MCM9: variants seen among roughly 807,000 people sequenced by gnomAD.
The protein encoded by MCM9 is DNA helicase MCM9.
Under a neutral mutation model 72.8 loss-of-function variants are expected in MCM9, and 55 were observed. That is an observed-to-expected ratio of 0.76 (90% CI 0.61 to 0.95). The LOEUF is 0.95. Among genes scored for constraint, MCM9 ranks in the 40% least tolerant of loss-of-function variants. The pLI, the probability that MCM9 is intolerant of heterozygous loss-of-function variation, is 0.00. For missense variants in MCM9, 1,279 were observed against 1,377.0 expected (o/e 0.93, Z 1.13); for synonymous variants, 480 against 503.4 (o/e 0.95, Z 0.62).
chr6:118,830,909 G>A (rs937841251), intron 9 of MCM9, among the ~76,000 whole-genome samples: 4 of 152,196 alleles, frequency 2.6e-5, no homozygotes, highest in Non-Finnish European at 4.4e-5. Context: ...CTGCCAGATC[G>A]TAAGTGTGCA....
intron 8 of MCM9, among the ~76,000 whole-genome samples, chr6:118,881,067 G>A (rs1778257174): frequency 6.6e-6 from 1 of 152,078 alleles, no homozygotes; most frequent in Admixed American, 6.5e-5. Flanking sequence ...TGTGAACGTG[G>A]TCTTTCTCAA....
At chr6:118,879,984 G>A (rs922897809) in intron 8 of MCM9, among the ~76,000 whole-genome samples, 1 of 151,484 alleles carries the variant, frequency 6.6e-6, no homozygotes, top group African/African-American at 2.4e-5. Flanking sequence ...GTGGAGCCGA[G>A]CTCATGCACT....
chr6:118,831,788 T>C (rs1231370981), intron 9 of MCM9, among the ~76,000 whole-genome samples: 1 of 152,184 alleles, frequency 6.6e-6, no homozygotes, highest in African/African-American at 2.4e-5. Context: ...CCTTCAACAA[T>C]ATTAATAAAA....
chr6:118,913,196 G>A, intron 7 of MCM9, 99 bp downstream of exon 7: 1 of 1,373,476 alleles, frequency 7.3e-7, no homozygotes, highest in South Asian at 1.3e-5. Flanking sequence ...ATTACAATTG[G>A]AAAATAAAAC....
intron 8 of MCM9, among the ~76,000 whole-genome samples, chr6:118,861,537 A>G (rs572909628): frequency 3.3e-4 from 51 of 152,272 alleles, no homozygotes; most frequent in African/African-American, 1.2e-3. Context: ...GAGTTACAGA[A>G]CAGCTCTCAG....
intron 8 of MCM9, among the ~76,000 whole-genome samples, chr6:118,885,395 T>C (rs1297265956): frequency 6.6e-6 from 1 of 151,344 alleles, no homozygotes; most frequent in Non-Finnish European, 1.5e-5. Context: ...ATAGAGAAAA[T>C]TAATGAAACT....
intron 9 of MCM9, among the ~76,000 whole-genome samples, chr6:118,853,853 T>G (rs1416594616): frequency 2.0e-5 from 3 of 152,286 alleles, no homozygotes; most frequent in East Asian, 3.9e-4. Flanking sequence ...TGGGGAGAAC[T>G]TGCATCTTAA....
Position 118,818,226 on chromosome 6 carries a change from T to A in MCM9, c.1962-1932A>T, listed in dbSNP as rs956445701. ...CCCATGCCTATGTCCTGAATGGTAC[T>A]GCCTAGGTTTTCTTCTAGGGTTTTT... On this transcript the variant is annotated intron_variant, in intron 13 of 13. Coordinates refer to ENST00000619706, the MANE Select transcript of MCM9 (RefSeq NM_017696.3). Among the ~76,000 whole-genome samples the A allele has an allele frequency of 7.2e-5, 11 of 152,368 alleles. No individual in the cohort carries two copies. The East Asian group carries it at 2.1e-3, about 29-fold the overall frequency.
chr6:118,894,045 C>G, intron 8 of MCM9: 8 of 1,042,040 alleles, frequency 7.7e-6, no homozygotes, highest in Non-Finnish European at 8.1e-6. Context: ...CCGCCTTTGT[C>G]CTAATCCACA....
At chr6:118,857,631 A>G (rs1468377809) in intron 8 of MCM9, among the ~76,000 whole-genome samples, 1 of 108,404 alleles carries the variant, frequency 9.2e-6, no homozygotes. Flanking sequence ...CTGACCAAAA[A>G]AAAAAAAAAA....
At chr6:118,828,382 A>G (rs59547233) in intron 10 of MCM9, among the ~76,000 whole-genome samples, 148,425 of 152,120 alleles carry the variant, frequency 0.98, 72,534 homozygotes, top group East Asian at 1. Context: ...TAATATTCAA[A>G]TACATCTATT....
At chr6:118,850,239 C>G (rs145826116) in intron 9 of MCM9, among the ~76,000 whole-genome samples, 2 of 120,222 alleles carry the variant, frequency 1.7e-5, no homozygotes, top group African/African-American at 5.7e-5. Flanking sequence ...TAAAGGACTG[C>G]AAAGAGAGCT....
intron 8 of MCM9, among the ~76,000 whole-genome samples, chr6:118,904,303 G>A (rs755539288): frequency 5.9e-5 from 9 of 152,164 alleles, no homozygotes; most frequent in Non-Finnish European, 1.0e-4. Flanking sequence ...ACTAGGTAGC[G>A]ATTTTATGCC....
At chr6:118,867,726 A>G (rs962980732) in intron 8 of MCM9, among the ~76,000 whole-genome samples, 1 of 152,150 alleles carries the variant, frequency 6.6e-6, no homozygotes, top group South Asian at 2.1e-4. Flanking sequence ...AATACACTCA[A>G]TGATGTTCAT....
At chr6:118,922,732 T>C (rs1473945756) in intron 4 of MCM9, among the ~76,000 whole-genome samples, 2 of 152,112 alleles carry the variant, frequency 1.3e-5, no homozygotes, top group African/African-American at 2.4e-5. Flanking sequence ...AGAGAAGCCA[T>C]GTATTAAGAA....
intron 3 of MCM9, among the ~76,000 whole-genome samples, chr6:118,924,943 G>A (rs912626210): frequency 9.2e-5 from 14 of 152,122 alleles, no homozygotes; most frequent in Middle Eastern, 3.4e-3. Flanking sequence ...ACTCGGTAGG[G>A]CTGAAGTGGG....
intron 8 of MCM9, chr6:118,905,640 A>G: frequency 6.3e-7 from 1 of 1,578,240 alleles, no homozygotes; most frequent in Non-Finnish European, 8.6e-7. Context: ...TTTTCTTTTT[A>G]ATTTATTCTA....
intron 9 of MCM9, among the ~76,000 whole-genome samples, chr6:118,850,133 C>T (rs762679925): frequency 2.6e-5 from 4 of 151,770 alleles, no homozygotes; most frequent in African/African-American, 9.7e-5. Context: ...AACTGTATAT[C>T]GAATAAATAA....
intron 1 of MCM9, among the ~76,000 whole-genome samples, chr6:118,933,382 T>G (rs1782604298): frequency 6.6e-6 from 1 of 151,792 alleles, no homozygotes; most frequent in African/African-American, 2.4e-5. Context: ...GGCAGGTGCC[T>G]GAAGTCCCAG....
Sources: allele counts gnomAD v4.1 joint callset (sites outside exome capture counted in the v4.1 genomes callset), GRCh38; gene constraint gnomAD v4.1.1; transcripts MANE v1.5; gene names NCBI Gene and HGNC (gene_info 2026-07-23, HGNC 2026-07-21).